HNF4A: variants seen among roughly 807,000 people sequenced by gnomAD.
HNF4A encodes the protein hepatocyte nuclear factor 4 alpha, also known as hepatocyte nuclear factor 4-alpha.
HNF4A carries 15 observed loss-of-function variants against 52.4 expected under a neutral mutation model. The ratio of observed to expected loss-of-function variants is 0.29; its 90% CI spans 0.19 to 0.44. The LOEUF is 0.44. Among genes scored for constraint, HNF4A ranks in the 20% least tolerant of loss-of-function variants. The pLI is 1.00. For synonymous variants in HNF4A, 280 were observed against 264.4 expected, an observed-to-expected ratio of 1.06 and a Z score of -0.57; for missense variants, 479 against 647.2, an observed-to-expected ratio of 0.74 and a Z score of 2.82.
intron 1 of HNF4A, chr20:44,402,696 C>G (rs529254680): frequency 8.9e-7 from 1 of 1,126,584 alleles, no homozygotes; most frequent in Non-Finnish European, 1.2e-6. Flanking sequence ...AGAGCCCCAT[C>G]GGTCCCAGGC....
At chr20:44,355,958 G>C (rs779128487) in intron 1 of HNF4A, 105 bp downstream of exon 1, 62 of 1,001,366 alleles carry the variant, frequency 6.2e-5, no homozygotes, top group Non-Finnish European at 8.6e-5. Context: ...AGCTCCTCCT[G>C]GAGCTCCTCT....
At chr20:44,380,019 A>C (rs2063135668) in intron 1 of HNF4A, among the ~76,000 whole-genome samples, 1 of 152,096 alleles carries the variant, frequency 6.6e-6, no homozygotes. Flanking sequence ...GGCGTGAGCC[A>C]CTGTGCCTGG....
intron 1 of HNF4A, among the ~76,000 whole-genome samples, chr20:44,378,564 A>T: frequency 6.6e-6 from 1 of 152,046 alleles, no homozygotes; most frequent in East Asian, 1.9e-4. Flanking sequence ...CACCACGCCC[A>T]GCCGACCATT....
At chr20:44,385,057 A>ATTTTTTT (rs1491454694) in intron 1 of HNF4A, among the ~76,000 whole-genome samples, 2 of 29,922 alleles carry the variant, frequency 6.7e-5, no homozygotes, top group African/African-American at 2.2e-4. Flanking sequence ...GAACTCTGTG[A>ATTTTTTT]TCTTTTTTTT....
At chr20:44,429,223 C>T (rs2063847358) in intron 9 of HNF4A, among the ~76,000 whole-genome samples, 1 of 152,162 alleles carries the variant, frequency 6.6e-6, no homozygotes, top group African/African-American at 2.4e-5. Flanking sequence ...ACAGCCAGGC[C>T]TGGGCCTTGG....
chr20:44,411,891 CAA>C (rs34125386), intron 3 of HNF4A, among the ~76,000 whole-genome samples: 8 of 134,790 alleles, frequency 5.9e-5, no homozygotes, highest in Non-Finnish European at 4.9e-5. Flanking sequence ...CCCCGTCTCT[CAA>C]AAAAAAAAAA....
chr20:44,434,516 CGCGGG>C (rs1217683862), downstream of HNF4A: 2 of 77,414 alleles, frequency 2.6e-5, no homozygotes, highest in African/African-American at 1.1e-4. Context: ...CGGGGACAAG[CGCGGG>C]GGGGGGGGGG....
At position 44,412,747 on chromosome 20, in the gene HNF4A, G is replaced by A. The variant is rs1452139937; in HGVS notation, c.386-947G>A. ...CAGCAGGTCTGTTTGTCAGGATCACGACAGCACTGGGGTGTGAGGGGAAGC... is the reference window on the plus strand; with the variant it reads ...CAGCAGGTCTGTTTGTCAGGATCACAACAGCACTGGGGTGTGAGGGGAAGC... On this transcript the variant is annotated intron_variant, in intron 3 of 9. Coordinates refer to ENST00000316099, the MANE Select transcript of HNF4A (RefSeq NM_000457.6). Among the ~76,000 whole-genome samples the A allele has an allele frequency of 8.5e-5, 13 of 152,246 alleles. No homozygotes were observed. The East Asian group carries it at 1.5e-3, about 18-fold the overall frequency.
chr20:44,411,585 G>A (rs80126119), intron 3 of HNF4A, among the ~76,000 whole-genome samples: 6,092 of 152,180 alleles, frequency 0.04, 434 homozygotes, highest in African/African-American at 0.14. Flanking sequence ...AGCTGGCCCC[G>A]TCCACATGGT....
At chr20:44,428,531 G>A (rs772681369) in intron 9 of HNF4A, 44 bp downstream of exon 9, 1 of 1,590,710 alleles carries the variant, frequency 6.3e-7, no homozygotes, top group Non-Finnish European at 8.6e-7. Context: ...GTGAGGATGG[G>A]GCTTAAGACA....
At chr20:44,396,239 G>A (rs147221366), upstream of HNF4A, among the ~76,000 whole-genome samples, 33 of 152,272 alleles carry the variant, frequency 2.2e-4, no homozygotes, top group East Asian at 6.2e-3. Context: ...CTTTAAAATG[G>A]GGATGACAAT....
intron 2 of HNF4A, 150 bp downstream of exon 2, chr20:44,406,382 T>C (rs2063501123): frequency 2.9e-6 from 2 of 701,530 alleles, no homozygotes; most frequent in Non-Finnish European, 4.9e-6. Flanking sequence ...ACTTTGTGAA[T>C]CCAAGAAGAG....
At chr20:44,368,160 A>ATATGTTTTTTTT (rs1200638153) in intron 1 of HNF4A, among the ~76,000 whole-genome samples, 1 of 27,774 alleles carries the variant, frequency 3.6e-5, no homozygotes, top group East Asian at 1.2e-3. Context: ...ATATATATAT[A>ATATGTTTTTTTT]TTTTTTTTTT....
intron 1 of HNF4A, among the ~76,000 whole-genome samples, chr20:44,405,736 T>G (rs1283525879): frequency 6.6e-6 from 1 of 152,106 alleles, no homozygotes; most frequent in Admixed American, 6.5e-5. Flanking sequence ...CACAGCCCCC[T>G]TGCGAGTTAG....
rs193127978 is a variant in HNF4A, at chr20:44,420,102, C to T, written c.892+226C>T. On this transcript the variant is annotated intron_variant, in intron 7 of 9. Coordinates refer to ENST00000316099, the MANE Select transcript of HNF4A (RefSeq NM_000457.6). Reference sequence around the variant, plus strand: ...ATCCCAGCACTTTGGGAGGCTGAGGCGGGCGGATCACCTGAGGTCAGGGGT... The same window carrying T: ...ATCCCAGCACTTTGGGAGGCTGAGGTGGGCGGATCACCTGAGGTCAGGGGT... Among the ~76,000 whole-genome samples, 169 of 152,146 alleles carry T rather than the reference C, an allele frequency of 1.1e-3. 6 individuals are homozygous for T. The East Asian group carries it at 0.029, about 26-fold the overall frequency.
intron 3 of HNF4A, among the ~76,000 whole-genome samples, chr20:44,413,142 G>A (rs540297167): frequency 6.6e-6 from 1 of 152,288 alleles, no homozygotes; most frequent in African/African-American, 2.4e-5. Context: ...GCCTGGAACA[G>A]AGCAGCAGTG....
At chr20:44,403,661 A>G (rs1049463758) in intron 1 of HNF4A, among the ~76,000 whole-genome samples, 9 of 152,174 alleles carry the variant, frequency 5.9e-5, no homozygotes, top group African/African-American at 1.4e-4. Flanking sequence ...TGTTCATTAG[A>G]GGCCCAGCAG....
At chr20:44,387,213 G>A (rs905206465) in intron 1 of HNF4A, among the ~76,000 whole-genome samples, 13 of 150,640 alleles carry the variant, frequency 8.6e-5, no homozygotes, top group Non-Finnish European at 1.6e-4. Context: ...GCTTGAACCT[G>A]GGAGGCGGAG....
intron 7 of HNF4A, among the ~76,000 whole-genome samples, chr20:44,421,397 A>C (rs1322697748): frequency 6.6e-6 from 1 of 152,166 alleles, no homozygotes; most frequent in Non-Finnish European, 1.5e-5. Flanking sequence ...TACATGTTAG[A>C]GGGGACCTAC....
Sources: allele counts gnomAD v4.1 joint callset (sites outside exome capture counted in the v4.1 genomes callset), GRCh38; gene constraint gnomAD v4.1.1; transcripts MANE v1.5; gene names NCBI Gene and HGNC (gene_info 2026-07-23, HGNC 2026-07-21).